Variants in C2CD5 observed in about 807,000 individuals in gnomAD.
The protein encoded by C2CD5 is C2 calcium dependent domain containing 5.
A neutral mutation model predicts 130.3 loss-of-function variants in C2CD5; 109 were observed. That is an observed-to-expected ratio of 0.84 (90% CI 0.72 to 0.98). The LOEUF (loss-of-function observed/expected upper bound fraction) is 0.98. Among genes scored for constraint, C2CD5 ranks in the 50% least tolerant of loss-of-function variants. The probability of loss-of-function intolerance (pLI) is 0.00; values close to 1 mark genes in which losing one functional copy is unlikely to be tolerated. For synonymous variants in C2CD5, 454 were observed against 429.2 expected (o/e 1.06, Z -0.71); for missense variants, 996 against 1,261.8 (o/e 0.79, Z 3.19).
chr12:22,478,136 A>T, intron 15 of C2CD5, 177 bp downstream of exon 15: 2 of 588,496 alleles, frequency 3.4e-6, no homozygotes, highest in Non-Finnish European at 6.0e-6. Context: ...TAGGATCGTT[A>T]GAGTAGGCTT....
At chr12:22,470,103 C>T (rs779053316) in intron 21 of C2CD5, among the ~76,000 whole-genome samples, 10 of 152,078 alleles carry the variant, frequency 6.6e-5, no homozygotes, top group Non-Finnish European at 1.2e-4. Context: ...TTGTCCATTA[C>T]TAGCTTTTGT....
At chr12:22,507,722 T>C (rs1948726540) in intron 9 of C2CD5, among the ~76,000 whole-genome samples, 1 of 152,220 alleles carries the variant, frequency 6.6e-6, no homozygotes, top group Non-Finnish European at 1.5e-5. Flanking sequence ...AAGATTAATG[T>C]AGCTCACTTA....
At chr12:22,476,051 T>C (rs560213965) in intron 15 of C2CD5, among the ~76,000 whole-genome samples, 1 of 152,298 alleles carries the variant, frequency 6.6e-6, no homozygotes, top group African/African-American at 2.4e-5. Context: ...GTATTTAATA[T>C]GTTCTAGATT....
At chr12:22,512,200 C>A (rs1026863060) in intron 9 of C2CD5, among the ~76,000 whole-genome samples, 1 of 152,148 alleles carries the variant, frequency 6.6e-6, no homozygotes, top group Non-Finnish European at 1.5e-5. Flanking sequence ...GTAAACAGTG[C>A]ATACACAGAT....
chr12:22,520,517 A>G (rs1950177975), intron 7 of C2CD5, among the ~76,000 whole-genome samples: 1 of 152,190 alleles, frequency 6.6e-6, no homozygotes, highest in Non-Finnish European at 1.5e-5. Context: ...GGTATTTACT[A>G]TAATGGATAA....
chr12:22,503,570 G>C (rs1189517194), intron 10 of C2CD5, among the ~76,000 whole-genome samples: 1 of 152,074 alleles, frequency 6.6e-6, no homozygotes, highest in Non-Finnish European at 1.5e-5. Flanking sequence ...GAGTGCAGTG[G>C]CATGATCTCG....
intron 3 of C2CD5, among the ~76,000 whole-genome samples, chr12:22,530,109 TATACACACACACAC>T (rs1283081020): frequency 2.7e-3 from 287 of 106,650 alleles, no homozygotes; most frequent in Non-Finnish European, 4.0e-3. Flanking sequence ...TATATATATA[TATACACACACACAC>T]ACACACACAC....
intron 14 of C2CD5, among the ~76,000 whole-genome samples, chr12:22,481,802 T>TC (rs1475542051): frequency 6.9e-6 from 1 of 145,200 alleles, no homozygotes; most frequent in East Asian, 2.0e-4. Context: ...TGGTGTATTT[T>TC]TTTTTTTTTT....
intron 3 of C2CD5, among the ~76,000 whole-genome samples, chr12:22,533,050 A>G (rs1951457781): frequency 6.6e-6 from 1 of 152,206 alleles, no homozygotes; most frequent in South Asian, 2.1e-4. Flanking sequence ...CCGAGAGTCT[A>G]TTACACGCTC....
intron 2 of C2CD5, among the ~76,000 whole-genome samples, chr12:22,541,252 A>C (rs1404913553): frequency 6.6e-6 from 1 of 152,138 alleles, no homozygotes; most frequent in Non-Finnish European, 1.5e-5. Context: ...ATCTATCTTC[A>C]AAATATACCT....
chr12:22,505,274 T>C (rs1948366800), intron 10 of C2CD5, among the ~76,000 whole-genome samples: 1 of 145,346 alleles, frequency 6.9e-6, no homozygotes, highest in Non-Finnish European at 1.5e-5. Context: ...TTTTTTTTTT[T>C]GAGACAGAGT....
chr12:22,543,649 G>A (rs1175752913), intron 2 of C2CD5, among the ~76,000 whole-genome samples: 1 of 152,118 alleles, frequency 6.6e-6, no homozygotes, highest in Non-Finnish European at 1.5e-5. Context: ...CACACCTTGG[G>A]ATCTCCTGAG....
At position 22,518,217 on chromosome 12, in the gene C2CD5, G is replaced by C. The variant is rs186149494; in HGVS notation, c.801-80C>G. On this transcript the variant is annotated intron_variant, in intron 7 of 26. Coordinates refer to ENST00000446597, the MANE Select transcript of C2CD5 (RefSeq NM_001286176.2). The stretch of plus-strand genomic sequence containing the variant: ...GGTGGCAGCATGATCCAAACACCAG[G>C]AAAGAATTGGGGCAGGGCCAGCAGT... 3,715 of 1,350,848 alleles carry C rather than the reference G, an allele frequency of 2.8e-3. 18 individuals are homozygous for C. The highest frequency in any genetic ancestry group is 2.5e-3 in the Non-Finnish European group (2,384 of 942,914). The allele number at this position is 1,350,848 out of a possible 1,614,324, so 83.7% of individuals were successfully genotyped here.
At chr12:22,468,480 A>T (rs1942472497) in intron 22 of C2CD5, among the ~76,000 whole-genome samples, 1 of 152,164 alleles carries the variant, frequency 6.6e-6, no homozygotes, top group South Asian at 2.1e-4. Context: ...AGCCTCTCAA[A>T]GTGCTGGGAT....
At chr12:22,513,016 T>C (rs559777558) in intron 9 of C2CD5, among the ~76,000 whole-genome samples, 11 of 152,196 alleles carry the variant, frequency 7.2e-5, no homozygotes, top group African/African-American at 2.4e-4. Context: ...ATAAACGTAA[T>C]GGAAAATTAC....
chr12:22,488,843 T>C (rs1945958778), intron 12 of C2CD5, among the ~76,000 whole-genome samples: 1 of 151,638 alleles, frequency 6.6e-6, no homozygotes, highest in Admixed American at 6.6e-5. Context: ...TGCAAGTTTA[T>C]ACTAAACTTG....
At chr12:22,536,505 G>C (rs1026084088) in intron 2 of C2CD5, among the ~76,000 whole-genome samples, 4 of 152,102 alleles carry the variant, frequency 2.6e-5, no homozygotes, top group Non-Finnish European at 4.4e-5. Flanking sequence ...CATTCAGCAG[G>C]AAAGTGACTG....
At chr12:22,464,111 A>AC (rs970181458) in intron 22 of C2CD5, among the ~76,000 whole-genome samples, 9 of 152,182 alleles carry the variant, frequency 5.9e-5, no homozygotes, top group African/African-American at 2.2e-4. Flanking sequence ...TGATAAGGAA[A>AC]CTGCCATATT....
intron 7 of C2CD5, among the ~76,000 whole-genome samples, chr12:22,519,618 T>A (rs1950089973): frequency 1.3e-5 from 2 of 152,084 alleles, no homozygotes; most frequent in Admixed American, 1.3e-4. Flanking sequence ...GGGACGCCCA[T>A]AAAAGTAAAA....
Sources: gnomAD v4.1 joint callset for allele counts (sites outside exome capture counted in the v4.1 genomes callset) on GRCh38, gnomAD v4.1.1 for gene constraint, MANE v1.5 for transcripts, NCBI Gene and HGNC (gene_info 2026-07-23, HGNC 2026-07-21) for gene names.